Variants in MPEG1 observed in about 807,000 individuals in gnomAD.
MPEG1 encodes macrophage expressed 1.
For missense variants in MPEG1, 876 were observed against 880.3 expected (o/e 1.00, Z 0.06); for synonymous variants, 365 against 351.9 (o/e 1.04, Z -0.42).
rs1434235335 is a variant in MPEG1 at position 59,211,821 on chromosome 11, C to A, written c.1045G>T (p.Gly349Cys). 1.9e-6 allele frequency: 3 copies of A among 1,614,060 alleles called. No homozygotes were observed. The highest frequency in any genetic ancestry group is 2.7e-5 in the African/African-American group (2 of 74,922). ...TTGGGAGAATTGAGATCTGTGCAGC[C>A]AGGGTAGGTGTTGAATGTATAATAG... The part of the protein sequence containing the change: ...KRYYTFNTYP[G>C]CTDLNSPNFN... Residue 349 changes from glycine to cysteine, a missense_variant, in exon 1 of 1, where the codon GGC (glycine) becomes TGC (cysteine). Gly to Cys is a radical substitution (Grantham distance 159, BLOSUM62 -3). Transcript: ENST00000361050.
chr11:59,211,812 C>G lies in MPEG1; in HGVS notation c.1054G>C (p.Asp352His). The change falls in exon 1 of 1, where the codon GAT (aspartate) becomes CAT (histidine). Residue 352 changes from aspartate to histidine, a missense_variant. Transcript: ENST00000361050. Reference sequence around the variant, plus strand: ...AAATTGAAGTTGGGAGAATTGAGATCTGTGCAGCCAGGGTAGGTGTTGAAT... The same window carrying G: ...AAATTGAAGTTGGGAGAATTGAGATGTGTGCAGCCAGGGTAGGTGTTGAAT... Reference protein sequence around the residue: ...YTFNTYPGCTDLNSPNFNFQA... With the variant: ...YTFNTYPGCTHLNSPNFNFQA... 1 of 1,614,218 alleles carries G rather than the reference C, an allele frequency of 6.2e-7. No homozygotes were observed. Among genetic ancestry groups the G allele is most frequent in the Non-Finnish European group, 8.5e-7 (1 of 1,180,036 alleles).
At position 59,211,785 on chromosome 11, in the gene MPEG1, G is replaced by A. The variant is rs1397661515; in HGVS notation, c.1081C>T (p.Gln361Ter). The A allele has an allele frequency of 6.2e-6, 10 of 1,614,192 alleles. No individual in the cohort carries two copies. Among genetic ancestry groups the A allele is most frequent in the Non-Finnish European group, 8.5e-6 (10 of 1,180,030 alleles). ...CAGGAGCCATCATCCGTGTTGGCCT[G>A]AAAATTGAAGTTGGGAGAATTGAGA... is the stretch of plus-strand genomic sequence containing the variant. ...TDLNSPNFNF[Q>*]ANTDDGSCEG... is the part of the protein sequence containing the mutation. The change falls in exon 1 of 1, where the codon CAG (glutamine) becomes TAG (stop). Residue 361 changes from glutamine (Q) to a stop codon, truncating the protein, a stop_gained. Coordinates refer to ENST00000361050, the MANE Select transcript of MPEG1 (RefSeq NM_001039396.2). LOFTEE classifies it low-confidence loss of function (END_TRUNC).
rs555005923 is a variant in MPEG1 at position 59,212,171 on chromosome 11, C to G, written c.695G>C (p.Ser232Thr). The change falls in exon 1 of 1, where the codon AGT becomes ACT. Residue 232 changes from serine (S) to threonine (T), a missense_variant. Coordinates refer to ENST00000361050, the MANE Select transcript of MPEG1 (RefSeq NM_001039396.2). ...AGCAGAGGCGGTCACGGCACTACGA[C>G]TGCTCTGGCTGTCTTGGAGGAAGGA... is the stretch of plus-strand genomic sequence containing the variant. ...RASFLQDSQS[S>T]RSAVTASAGL... The G allele has an allele frequency of 1.4e-5, 23 of 1,614,176 alleles. No homozygotes were observed. The Admixed American group carries it at 3.8e-4, about 27-fold the overall frequency.
Position 59,211,790 on chromosome 11 carries a change from T to C in MPEG1, c.1076A>G (p.Asn359Ser). The C allele has an allele frequency of 6.2e-7, 1 of 1,614,112 alleles. No individual in the cohort carries two copies. The highest frequency in any genetic ancestry group is 8.5e-7 in the Non-Finnish European group (1 of 1,180,024). ...GCCATCATCCGTGTTGGCCTGAAAA[T>C]TGAAGTTGGGAGAATTGAGATCTGT... Reference protein sequence around the residue: ...GCTDLNSPNFNFQANTDDGSC... With the variant: ...GCTDLNSPNFSFQANTDDGSC... The change falls in exon 1 of 1, where the codon AAT becomes AGT. Residue 359 changes from asparagine to serine, a missense_variant. Physicochemically the swap from Asn to Ser is conservative, Grantham distance 46. Transcript: ENST00000361050.
chr11:59,211,317 C>T lies in MPEG1; in HGVS notation c.1549G>A (p.Asp517Asn). ...FENLKVCVSQ[D>N]YELGSRFAVP... ...GCAAACCTGCTTCCCAACTCATAGT[C>T]CTGAGAAACACATACCTTGAGGTTT... is the stretch of plus-strand genomic sequence containing the variant. The change falls in exon 1 of 1, where the codon GAC becomes AAC. Residue 517 changes from aspartate (D) to asparagine (N), a missense_variant. By Grantham distance (23) the Asp-to-Asn change is conservative. Transcript: ENST00000361050. The T allele has an allele frequency of 6.2e-7, 1 of 1,614,158 alleles. No homozygotes were observed. Among genetic ancestry groups the T allele is most frequent in the Non-Finnish European group, 8.5e-7 (1 of 1,180,036 alleles).
Position 59,212,233 on chromosome 11 carries a change from A to G in MPEG1, c.633T>C (p.Ala211=). ...YGTHVTTSVD[A]GAALIQEDHL... is the part of the protein sequence containing the mutation. ...GGTCCTCCTGAATAAGAGCAGCCCC[A>G]GCGTCGACACTGGTGGTGACGTGGG... is the stretch of plus-strand genomic sequence containing the variant. The change falls in exon 1 of 1, where the codon GCT becomes GCC. Residue 211 remains alanine (A), a synonymous_variant. Coordinates refer to ENST00000361050, the MANE Select transcript of MPEG1 (RefSeq NM_001039396.2). 6.2e-7 allele frequency: 1 copy of G among 1,613,886 alleles called. No homozygotes were observed. The highest frequency in any genetic ancestry group is 8.5e-7 in the Non-Finnish European group (1 of 1,180,022).
In MPEG1 at chr11:59,211,776, T is replaced by C; in HGVS notation, c.1090A>G (p.Thr364Ala). 2 of 1,614,076 alleles carry C rather than the reference T, an allele frequency of 1.2e-6. No individual in the cohort carries two copies. Among genetic ancestry groups the C allele is most frequent in the Non-Finnish European group, 1.7e-6 (2 of 1,179,992 alleles). Reference protein sequence around the residue: ...NSPNFNFQANTDDGSCEGKMT... With the variant: ...NSPNFNFQANADDGSCEGKMT... The stretch of plus-strand genomic sequence containing the variant: ...TTCCCCTCGCAGGAGCCATCATCCG[T>C]GTTGGCCTGAAAATTGAAGTTGGGA... The change falls in exon 1 of 1, where the codon ACG (threonine) becomes GCG (alanine). Residue 364 changes from threonine (T) to alanine (A), a missense_variant. By Grantham distance (58) the Thr-to-Ala change is moderately conservative. Transcript: ENST00000361050.
At position 59,212,746 on chromosome 11, in the gene MPEG1, T is replaced by C. The variant is rs879567703; in HGVS notation, c.120A>G (p.Leu40=). ...GVQKCKNALK[L]PVLEVLPGGG... is the part of the protein sequence containing the mutation. ...CTCCAGGTAGGACTTCCAGGACAGG[T>C]AGTTTCAAGGCATTCTTGCATTTTT... The change falls in exon 1 of 1, where the codon CTA becomes CTG. Residue 40 remains leucine, a synonymous_variant. Transcript: ENST00000361050. The C allele has an allele frequency of 1.2e-6, 2 of 1,614,182 alleles. No individual in the cohort carries two copies. The highest frequency in any genetic ancestry group is 8.5e-7 in the Non-Finnish European group (1 of 1,180,028).
chr11:59,211,224 C>A lies in MPEG1; in HGVS notation c.1642G>T (p.Asp548Tyr), dbSNP rs1862885814. The stretch of plus-strand genomic sequence containing the variant: ...TTTTTCAGAGACGGTGCCCCTAAAT[C>A]TCTGGATATAGCAGGATCTACCAGG... ...NPLVDPAISRDLGAPSLKKCP... is the reference protein window; with the variant it reads ...NPLVDPAISRYLGAPSLKKCP... The change falls in exon 1 of 1, where the codon GAT becomes TAT. Residue 548 changes from aspartate (D) to tyrosine (Y), a missense_variant. Coordinates refer to ENST00000361050, the MANE Select transcript of MPEG1 (RefSeq NM_001039396.2). 1 of 1,614,198 alleles carries A rather than the reference C, an allele frequency of 6.2e-7. No individual in the cohort carries two copies. The highest frequency in any genetic ancestry group is 1.1e-5 in the South Asian group (1 of 91,088).
chr11:59,212,890 C>CCTACA lies in MPEG1; in HGVS notation c.-26_-25insTGTAG. On this transcript the variant is annotated 5_prime_UTR_variant, in exon 1 of 1. Transcript: ENST00000361050. ...TGGCTCAGACAGCCCCAGCCACTCA[C>CCTACA]CAGCCCTACACAGCGGCCAGCAAGC... 1 of 1,599,502 alleles carries CCTACA rather than the reference C, an allele frequency of 6.3e-7. No homozygotes were observed. Among genetic ancestry groups the CCTACA allele is most frequent in the Non-Finnish European group, 8.6e-7 (1 of 1,169,132 alleles).
chr11:59,210,759 T>C lies in MPEG1; in HGVS notation c.2107A>G (p.Thr703Ala). ...RQSLVPGTAA[T>A]GDTTYQEQGQ... ...TGCTCTTGGTAAGTGGTGTCTCCAG[T>C]TGCTGCAGTGCCTGGAACCAAACTC... is the stretch of plus-strand genomic sequence containing the variant. Residue 703 changes from threonine to alanine, a missense_variant, in exon 1 of 1, where the codon ACT becomes GCT. Physicochemically the swap from Thr to Ala is moderately conservative, Grantham distance 58. Coordinates refer to ENST00000361050, the MANE Select transcript of MPEG1 (RefSeq NM_001039396.2). 6.2e-7 allele frequency: 1 copy of C among 1,614,208 alleles called. No homozygotes were observed. Among genetic ancestry groups the C allele is most frequent in the Non-Finnish European group, 8.5e-7 (1 of 1,180,034 alleles).
chr11:59,211,096 A>C lies in MPEG1; in HGVS notation c.1770T>G (p.Pro590=). ...SGLFTGGSLP[P]ARLPPFTRPP... Reference sequence around the variant, plus strand: ...GCCGGGTGAAAGGTGGGAGCCTGGCAGGGGGCAGGGACCCTCCTGTGAAGA... The same window carrying C: ...GCCGGGTGAAAGGTGGGAGCCTGGCCGGGGGCAGGGACCCTCCTGTGAAGA... Residue 590 remains proline, a synonymous_variant, in exon 1 of 1, where the codon CCT becomes CCG. Coordinates refer to ENST00000361050, the MANE Select transcript of MPEG1 (RefSeq NM_001039396.2). The C allele has an allele frequency of 6.2e-7, 1 of 1,614,186 alleles. No homozygotes were observed. Among genetic ancestry groups the C allele is most frequent in the Non-Finnish European group, 8.5e-7 (1 of 1,180,028 alleles).
Position 59,211,027 on chromosome 11 carries a change from G to C in MPEG1, c.1839C>G (p.Thr613=). 3 of 1,614,136 alleles carry C rather than the reference G, an allele frequency of 1.9e-6. No individual in the cohort carries two copies. Among genetic ancestry groups the C allele is most frequent in the Non-Finnish European group, 2.5e-6 (3 of 1,180,014 alleles). ...TCCAGGATCTCGCATTCTCAGAATT[G>C]GTCACTATGACAGTATTGGTGGCAG... The part of the protein sequence containing the change: ...SQAATNTVIV[T]NSENARSWIK... The change falls in exon 1 of 1, where the codon ACC becomes ACG. Residue 613 remains threonine (T), a synonymous_variant. Coordinates refer to ENST00000361050, the MANE Select transcript of MPEG1 (RefSeq NM_001039396.2).
Position 59,210,494 on chromosome 11 carries a change from A to G in MPEG1, c.*221T>C, listed in dbSNP as rs1172100709. On this transcript the variant is annotated 3_prime_UTR_variant, in exon 1 of 1. Transcript: ENST00000361050. The stretch of plus-strand genomic sequence containing the variant: ...CATTGGGAAAGGACATCTGCTTCCT[A>G]TTTTAGTCCCAGAATCACTTTTGCT... The G allele has an allele frequency of 1.8e-6, 1 of 546,714 alleles. No individual in the cohort carries two copies. The highest frequency in any genetic ancestry group is 1.9e-5 in the African/African-American group (1 of 53,152). 33.9% of individuals were successfully genotyped at this position (546,714 alleles called of 1,614,324 possible).
At position 59,212,899 on chromosome 11, in the gene MPEG1, C is replaced by A. The variant is rs929745315; in HGVS notation, c.-34G>T. 1.2e-5 allele frequency: 19 copies of A among 1,571,310 alleles called. No individual in the cohort carries two copies. The highest frequency in any genetic ancestry group is 1.6e-5 in the Non-Finnish European group (18 of 1,151,988). On this transcript the variant is annotated 5_prime_UTR_variant, in exon 1 of 1. Coordinates refer to ENST00000361050, the MANE Select transcript of MPEG1 (RefSeq NM_001039396.2). Reference sequence around the variant, plus strand: ...CAGCCCCAGCCACTCACCAGCCCTACACAGCGGCCAGCAAGCTTTGGGCAA... The same window carrying A: ...CAGCCCCAGCCACTCACCAGCCCTAAACAGCGGCCAGCAAGCTTTGGGCAA...
rs1310627621 is a variant in MPEG1, at chr11:59,212,452, G to C, written c.414C>G (p.Thr138=). ...TTATAGCTTGGTCCTTCACTTGGAG[G>C]GTCTTCATCCTCTGGAACTCAGTGG... The part of the protein sequence containing the change: ...KFSTEFQRMK[T]LQVKDQAITT... Residue 138 remains threonine, a synonymous_variant, in exon 1 of 1, where the codon ACC becomes ACG. Coordinates refer to ENST00000361050, the MANE Select transcript of MPEG1 (RefSeq NM_001039396.2). The C allele has an allele frequency of 1.2e-6, 2 of 1,614,152 alleles. No individual in the cohort carries two copies. Among genetic ancestry groups the C allele is most frequent in the Admixed American group, 1.7e-5 (1 of 60,022 alleles).
rs984562259 is a variant in MPEG1 at position 59,212,118 on chromosome 11, A to T, written c.748T>A (p.Phe250Ile). Reference sequence around the variant, plus strand: ...GAGGTATAGTTTTCCTCAAATTTGAAGTTCACGGTGTTTTGAAAGGCAAGT... The same window carrying T: ...GAGGTATAGTTTTCCTCAAATTTGATGTTCACGGTGTTTTGAAAGGCAAGT... ...AGLAFQNTVN[F>I]KFEENYTSQN... Residue 250 changes from phenylalanine (F) to isoleucine (I), a missense_variant, in exon 1 of 1, where the codon TTC becomes ATC. By Grantham distance (21) the Phe-to-Ile change is conservative. Coordinates refer to ENST00000361050, the MANE Select transcript of MPEG1 (RefSeq NM_001039396.2). 16 of 1,614,002 alleles carry T rather than the reference A, an allele frequency of 9.9e-6. No homozygotes were observed. The highest frequency in any genetic ancestry group is 1.4e-5 in the Non-Finnish European group (16 of 1,180,008).
chr11:59,212,099 T>C lies in MPEG1; in HGVS notation c.767A>G (p.Tyr256Cys). Residue 256 changes from tyrosine to cysteine, a missense_variant, in exon 1 of 1, where the codon TAT becomes TGT. By Grantham distance (194) the Tyr-to-Cys change is radical (BLOSUM62 -2). Coordinates refer to ENST00000361050, the MANE Select transcript of MPEG1 (RefSeq NM_001039396.2). ...NTVNFKFEEN[Y>C]TSQNVLTKSY... The stretch of plus-strand genomic sequence containing the variant: ...CTTGGTGAGGACATTCTGCGAGGTA[T>C]AGTTTTCCTCAAATTTGAAGTTCAC... The C allele has an allele frequency of 6.2e-7, 1 of 1,614,116 alleles. No individual in the cohort carries two copies. The highest frequency in any genetic ancestry group is 2.2e-5 in the East Asian group (1 of 44,874).
rs1862868983 is a variant in MPEG1, at chr11:59,210,036, A to C, written c.*679T>G. Reference sequence around the variant, plus strand: ...CATCCCTTCCTTAATAACTTAAAATAACTTAAAATATTTTCTGAGGACTTG... The same window carrying C: ...CATCCCTTCCTTAATAACTTAAAATCACTTAAAATATTTTCTGAGGACTTG... On this transcript the variant is annotated 3_prime_UTR_variant, in exon 1 of 1. Transcript: ENST00000361050. The C allele has an allele frequency of 6.6e-6, 1 of 152,236 alleles. No individual in the cohort carries two copies. Among genetic ancestry groups the C allele is most frequent in the African/African-American group, 2.4e-5 (1 of 41,446 alleles). 9.4% of individuals were successfully genotyped at this position (152,236 alleles called of 1,614,324 possible).
Sources: allele counts gnomAD v4.1 joint callset, GRCh38; gene constraint gnomAD v4.1.1; transcripts MANE v1.5; gene names NCBI Gene and HGNC (gene_info 2026-07-23, HGNC 2026-07-21).